The following SPRY3 variants were observed in gnomAD, a reference collection of about 807,000 sequenced individuals.
SPRY3 encodes the protein sprouty RTK signaling antagonist 3, also known as protein sprouty homolog 3.
In SPRY3, 15 loss-of-function variants were observed where a neutral mutation model predicts 20.2. The observed-to-expected ratio is 0.74, with a 90% CI of 0.50 to 1.14. The LOEUF is 1.14. Ranked by LOEUF, SPRY3 falls within the 50% of genes most tolerant of loss-of-function variation. The pLI is 0.00. For synonymous variants in SPRY3, 143 were observed against 136.5 expected, an observed-to-expected ratio of 1.05 and a Z score of -0.33; for missense variants, 364 against 363.9, an observed-to-expected ratio of 1.00 and a Z score of 0.00.
At chrX:155,717,297 A>T (rs2091029985) in intron 2 of SPRY3, among the ~76,000 whole-genome samples, 2 of 151,906 alleles carry the variant, frequency 1.3e-5, no homozygotes, top group Admixed American at 1.3e-4. Flanking sequence ...ACATTATAAG[A>T]ATATTCCCAT....
At chrX:155,773,577 C>G (rs1255781368) in intron 3 of SPRY3, among the ~76,000 whole-genome samples, 189 bp from the exon 3 acceptor site, 3 of 151,850 alleles carry the variant, frequency 2.0e-5, no homozygotes, top group African/African-American at 7.3e-5. Flanking sequence ...TCTTTATAGT[C>G]TGGAGGGGAT....
chrX:155,636,308 C>T (rs1557351016), intron 1 of SPRY3, among the ~76,000 whole-genome samples: 2 of 111,879 alleles, frequency 1.8e-5, no homozygotes, highest in African/African-American at 6.5e-5. Context: ...AGGAAATTCT[C>T]TGGGGAACCT....
At chrX:155,630,128 A>G (rs1569562398) in intron 1 of SPRY3, among the ~76,000 whole-genome samples, 1 of 110,835 alleles carries the variant, frequency 9.0e-6, no homozygotes, top group Non-Finnish European at 1.9e-5. Flanking sequence ...CCCATTCTTC[A>G]CTCCCACATT....
At chrX:155,721,923 T>A (rs2091061506) in intron 2 of SPRY3, among the ~76,000 whole-genome samples, 2 of 152,046 alleles carry the variant, frequency 1.3e-5, no homozygotes, top group Non-Finnish European at 2.9e-5. Context: ...ATTATAACAC[T>A]GTAACTGTGG....
chrX:155,653,378 C>T (rs1172930763), intron 1 of SPRY3, among the ~76,000 whole-genome samples: 2 of 111,681 alleles, frequency 1.8e-5, no homozygotes, highest in Non-Finnish European at 3.8e-5. Context: ...AGTTTTAGCT[C>T]TTATATTTAG....
At position 155,712,986 on chromosome X, in the gene SPRY3, A is replaced by G. The variant is rs186984383; in HGVS notation, c.-281-54976A>G. ...AATACAAACTCTACACTTTAACTTC[A>G]TCCCCTTGCTTTTTAATTTTTTGTT... On this transcript the variant is annotated intron_variant, in intron 2 of 3. Coordinates refer to ENST00000675360, the Ensembl canonical transcript of SPRY3. 1.1e-3 allele frequency among the ~76,000 whole-genome samples: 162 copies of G among 151,836 alleles called. 1 individual carries two copies. The highest frequency in any genetic ancestry group is 2.1e-3 in the Non-Finnish European group (140 of 67,820).
intron 2 of SPRY3, among the ~76,000 whole-genome samples, chrX:155,703,782 T>C (rs2090928345): frequency 6.6e-6 from 1 of 151,964 alleles, no homozygotes; most frequent in Non-Finnish European, 1.5e-5. Context: ...TACACACTGC[T>C]TTGAATGTGT....
At chrX:155,771,777 G>T (rs1170841335) in intron 3 of SPRY3, among the ~76,000 whole-genome samples, 3 of 152,132 alleles carry the variant, frequency 2.0e-5, no homozygotes, top group Non-Finnish European at 4.4e-5. Context: ...GGTTGCATGA[G>T]CCTTTGAGTG....
At chrX:155,698,526 A>G (rs1185095000) in intron 2 of SPRY3, among the ~76,000 whole-genome samples, 2 of 111,958 alleles carry the variant, frequency 1.8e-5, no homozygotes, top group African/African-American at 6.5e-5. Context: ...ATTCCCAGGG[A>G]AGAGAAATAA....
intron 1 of SPRY3, among the ~76,000 whole-genome samples, chrX:155,656,053 G>A (rs1441789446): frequency 2.8e-4 from 31 of 111,364 alleles, no homozygotes; most frequent in East Asian, 2.8e-4. Flanking sequence ...TTCAACCTTG[G>A]GGAATCTGAC....
At chrX:155,664,481 T>C (rs1213212275) in intron 2 of SPRY3, among the ~76,000 whole-genome samples, 1 of 109,066 alleles carries the variant, frequency 9.2e-6, no homozygotes, top group Non-Finnish European at 1.9e-5. Context: ...AGCCATAATA[T>C]TTTTAAAAAG....
intron 2 of SPRY3, among the ~76,000 whole-genome samples, chrX:155,732,923 T>C (rs1014153470): frequency 2.0e-5 from 3 of 152,086 alleles, no homozygotes; most frequent in Admixed American, 6.6e-5. Flanking sequence ...CTTTCATTTT[T>C]TATTTTCACT....
At chrX:155,647,051 G>A (rs147978846) in intron 1 of SPRY3, among the ~76,000 whole-genome samples, 5 of 111,586 alleles carry the variant, frequency 4.5e-5, no homozygotes, top group South Asian at 7.5e-4. Context: ...TGAGATGATC[G>A]TATATTTTTT....
At chrX:155,635,594 C>A (rs1217799487) in intron 1 of SPRY3, among the ~76,000 whole-genome samples, 1 of 111,661 alleles carries the variant, frequency 9.0e-6, no homozygotes, top group Non-Finnish European at 1.9e-5. Flanking sequence ...ATTTATGCAG[C>A]CAACAAACGT....
rs143894406 is a variant in SPRY3 at position 155,662,308 on chromosome X, C to A, written c.-282+5283C>A. Reference sequence around the variant, plus strand: ...GCTTTCAGGGGAACAGGACTCTGTACGAATGCCAGGGATATAAATAGGCTT... The same window carrying A: ...GCTTTCAGGGGAACAGGACTCTGTAAGAATGCCAGGGATATAAATAGGCTT... On this transcript the variant is annotated intron_variant, in intron 2 of 3. Transcript: ENST00000675360. 1.9e-3 allele frequency among the ~76,000 whole-genome samples: 209 copies of A among 110,693 alleles called. 1 individual carries two copies. The highest frequency in any genetic ancestry group is 6.5e-3 in the African/African-American group (199 of 30,481).
chrX:155,749,321 T>C (rs1397202713), intron 2 of SPRY3, among the ~76,000 whole-genome samples: 3 of 151,714 alleles, frequency 2.0e-5, no homozygotes, highest in Admixed American at 2.0e-4. Context: ...AGGCTAGAGA[T>C]TATAAGGAAA....
chrX:155,692,892 G>T (rs371569002), intron 2 of SPRY3, among the ~76,000 whole-genome samples: 1 of 111,093 alleles, frequency 9.0e-6, no homozygotes, highest in African/African-American at 3.3e-5. Flanking sequence ...TGCTATTTCT[G>T]ATATTGTTTG....
intron 2 of SPRY3, among the ~76,000 whole-genome samples, chrX:155,748,384 G>A (rs1418383318): frequency 1.3e-5 from 2 of 151,804 alleles, no homozygotes; most frequent in African/African-American, 2.4e-5. Context: ...TTTTCTCACA[G>A]TTATGTAATT....
At chrX:155,681,121 T>G (rs2068072970) in intron 2 of SPRY3, among the ~76,000 whole-genome samples, 1 of 111,134 alleles carries the variant, frequency 9.0e-6, no homozygotes, top group African/African-American at 3.3e-5. Context: ...CCACCCAAAT[T>G]TCATCTTCAA....
Sources: gnomAD v4.1 joint callset for allele counts (sites outside exome capture counted in the v4.1 genomes callset) on GRCh38, gnomAD v4.1.1 for gene constraint, MANE v1.5 for transcripts, NCBI Gene and HGNC (gene_info 2026-07-23, HGNC 2026-07-21) for gene names.